The following MRE11 variants were observed in gnomAD, a reference collection of about 807,000 sequenced individuals.
MRE11 encodes MRE11 double strand break repair nuclease.
A neutral mutation model predicts 91.7 loss-of-function variants in MRE11; 62 were observed. The observed-to-expected ratio is 0.68, with a 90% CI of 0.55 to 0.84. The LOEUF is 0.84. MRE11 is among the 40% of genes least tolerant of loss of function. MRE11 has a pLI of 0.00. For synonymous variants in MRE11, 273 were observed against 271.4 expected (o/e 1.01, Z -0.06); for missense variants, 796 against 852.9 (o/e 0.93, Z 0.83).
At chr11:94,449,702 A>G (rs1227133518) in intron 14 of MRE11, among the ~76,000 whole-genome samples, 1 of 152,248 alleles carries the variant, frequency 6.6e-6, no homozygotes, top group Non-Finnish European at 1.5e-5. Flanking sequence ...ACAAAGCTAA[A>G]TGGTACAGTC....
rs876660542 is a variant in MRE11, at chr11:94,464,137, G to C, written c.1201C>G (p.His401Asp). The C allele has an allele frequency of 6.2e-7, 1 of 1,613,410 alleles. No homozygotes were observed. ...NPKDIIHFFRHREQKEKTGEE... is the reference protein window; with the variant it reads ...NPKDIIHFFRDREQKEKTGEE... The stretch of plus-strand genomic sequence containing the variant: ...CCTGTTTTTTCCTTTTGTTCTCTAT[G>C]CCTGAAAAAATGGATAATGTCTTTT... The change falls in exon 11 of 20, where the codon CAT becomes GAT. Residue 401 changes from histidine (H) to aspartate (D), a missense_variant. Physicochemically the swap from His to Asp is moderately conservative, Grantham distance 81. Transcript: ENST00000323929.
intron 4 of MRE11, among the ~76,000 whole-genome samples, chr11:94,484,290 C>T (rs1214774255): frequency 1.3e-5 from 2 of 152,002 alleles, no homozygotes; most frequent in Non-Finnish European, 2.9e-5. Context: ...ACAAAAGAAT[C>T]CCAATTAATA....
chr11:94,450,343 T>C (rs1005671045), intron 14 of MRE11, among the ~76,000 whole-genome samples: 1 of 152,204 alleles, frequency 6.6e-6, no homozygotes, highest in African/African-American at 2.4e-5. Flanking sequence ...GAACCAGCTG[T>C]ATGCTTTTAG....
chr11:94,491,073 A>T, intron 2 of MRE11, 108 bp from the exon 3 acceptor site: 1 of 762,616 alleles, frequency 1.3e-6, no homozygotes, highest in Non-Finnish European at 2.1e-6. Flanking sequence ...ATAGAGTAAA[A>T]TCATTTTTTT....
rs1005448002 is a variant in MRE11 at position 94,450,913 on chromosome 11, A to G, written c.1564-3475T>C. Among the ~76,000 whole-genome samples, 14 of 152,334 alleles carry G rather than the reference A, an allele frequency of 9.2e-5. No homozygotes were observed. The South Asian group carries it at 1.0e-3, about 11-fold the overall frequency. ...CCTTTGGGACAAAACAATAACATTA[A>G]TAAAAATCACAAAGCTTTAAAGAAA... On this transcript the variant is annotated intron_variant, in intron 14 of 19. Coordinates refer to ENST00000323929, the MANE Select transcript of MRE11 (RefSeq NM_005591.4).
chr11:94,458,837 C>T (rs1009707921), intron 13 of MRE11, among the ~76,000 whole-genome samples: 1 of 152,134 alleles, frequency 6.6e-6, no homozygotes, highest in East Asian at 1.9e-4. Context: ...TATTCATGTC[C>T]TTTGTTCATT....
At chr11:94,467,925 G>T in intron 9 of MRE11, 32 bp from the exon 10 acceptor site, 1 of 1,564,956 alleles carries the variant, frequency 6.4e-7, no homozygotes, top group Non-Finnish European at 8.8e-7. Flanking sequence ...AAAAAACAAC[G>T]TAGTAAACTG....
chr11:94,430,416 G>T (rs1057065242), intron 18 of MRE11, among the ~76,000 whole-genome samples: 2 of 151,896 alleles, frequency 1.3e-5, no homozygotes, highest in Admixed American at 1.3e-4. Context: ...TGAAAACCAT[G>T]GGAACATTGA....
chr11:94,484,808 T>C (rs1315790851), intron 4 of MRE11, among the ~76,000 whole-genome samples: 1 of 152,194 alleles, frequency 6.6e-6, no homozygotes, highest in Non-Finnish European at 1.5e-5. Flanking sequence ...CCTGACCTCT[T>C]TATAAGTATC....
chr11:94,462,499 C>A, intron 11 of MRE11, among the ~76,000 whole-genome samples: 1 of 152,038 alleles, frequency 6.6e-6, no homozygotes, highest in Non-Finnish European at 1.5e-5. Context: ...GATCAAAGCT[C>A]GAGGCATCAC....
chr11:94,463,174 G>A (rs956372639), intron 11 of MRE11, among the ~76,000 whole-genome samples: 1 of 152,128 alleles, frequency 6.6e-6, no homozygotes, highest in Non-Finnish European at 1.5e-5. Flanking sequence ...ACAGACACAT[G>A]AAAAAATGCT....
At position 94,490,869 on chromosome 11, in the gene MRE11, T is replaced by G. The variant is rs1328812579; in HGVS notation, c.117A>C (p.Thr39=). 1.2e-6 allele frequency: 2 copies of G among 1,613,586 alleles called. No individual in the cohort carries two copies. The highest frequency in any genetic ancestry group is 1.7e-6 in the Non-Finnish European group (2 of 1,179,756). The change falls in exon 3 of 20, where the codon ACA becomes ACC. Residue 39 remains threonine, a synonymous_variant. Transcript: ENST00000323929. The part of the protein sequence containing the change: ...DAVRGNDTFV[T]LDEILRLAQE... ...GGGCAAGTCTTAAAATTTCATCGAG[T>G]GTTACAAACGTATCATTTCCTCTGA... is the stretch of plus-strand genomic sequence containing the variant.
chr11:94,435,616 T>C (rs1293390906), intron 18 of MRE11, among the ~76,000 whole-genome samples: 1 of 152,042 alleles, frequency 6.6e-6, no homozygotes, highest in Non-Finnish European at 1.5e-5. Context: ...AGGAAAAAAA[T>C]TACAGGCTAT....
intron 2 of MRE11, among the ~76,000 whole-genome samples, chr11:94,492,241 A>G (rs1160134831): frequency 6.6e-6 from 1 of 152,040 alleles, no homozygotes; most frequent in Non-Finnish European, 1.5e-5. Flanking sequence ...GGCATGCGCC[A>G]CCACGCCTGG....
chr11:94,468,061 C>CT (rs1946614301), intron 9 of MRE11, among the ~76,000 whole-genome samples, 168 bp from the exon 10 acceptor site: 1 of 152,122 alleles, frequency 6.6e-6, no homozygotes, highest in African/African-American at 2.4e-5. Context: ...TCCTTTAATA[C>CT]TATTCCTTAA....
chr11:94,425,470 C>G (rs534574477), intron 19 of MRE11, among the ~76,000 whole-genome samples: 1 of 152,124 alleles, frequency 6.6e-6, no homozygotes, highest in Non-Finnish European at 1.5e-5. Context: ...GCTAACAATA[C>G]GATGGCAGGA....
intron 14 of MRE11, among the ~76,000 whole-genome samples, chr11:94,455,225 C>T (rs1946217936): frequency 6.6e-6 from 1 of 152,172 alleles, no homozygotes; most frequent in African/African-American, 2.4e-5. Flanking sequence ...TCTAGCGCCA[C>T]TCCATGACCT....
At position 94,479,526 on chromosome 11, in the gene MRE11, T is replaced by A. The variant is rs1034888408; in HGVS notation, c.402+148A>T. ...GATTTTTAAAAAATCTAAAAAGCAG[T>A]ATAAAAGCTTGTATGAATGTGAAAA... is the stretch of plus-strand genomic sequence containing the variant. On this transcript the variant is annotated intron_variant, in intron 5 of 19. Transcript: ENST00000323929. The A allele has an allele frequency of 8.8e-6, 6 of 682,478 alleles. No individual in the cohort carries two copies. In the African/African-American group the frequency reaches 9.0e-5, roughly 10 times the overall value. 42.3% of individuals were successfully genotyped at this position (682,478 alleles called of 1,614,324 possible). A position where few individuals can be genotyped will look rare whatever the true frequency, so the allele number is the denominator to read the frequency against.
At chr11:94,482,587 T>A (rs1409514600) in intron 4 of MRE11, among the ~76,000 whole-genome samples, 1 of 152,132 alleles carries the variant, frequency 6.6e-6, no homozygotes, top group East Asian at 1.9e-4. Context: ...GAAACAGTTT[T>A]CAAAACAGAA....
Sources: allele counts gnomAD v4.1 joint callset (sites outside exome capture counted in the v4.1 genomes callset), GRCh38; gene constraint gnomAD v4.1.1; transcripts MANE v1.5; gene names NCBI Gene and HGNC (gene_info 2026-07-23, HGNC 2026-07-21).